The following CRB1 variants were observed in gnomAD, a reference collection of about 807,000 sequenced individuals.
The protein encoded by CRB1 is crumbs cell polarity complex component 1.
Under a neutral mutation model 120.0 loss-of-function variants are expected in CRB1, and 83 were observed. The observed-to-expected ratio is 0.69, with a 90% CI of 0.58 to 0.83. The LOEUF is 0.83. CRB1 is among the 40% of genes least tolerant of loss of function. CRB1 has a pLI of 0.00. For missense variants in CRB1, 1,699 were observed against 1,687.6 expected, an observed-to-expected ratio of 1.01 and a Z score of -0.12; for synonymous variants, 625 against 612.5, an observed-to-expected ratio of 1.02 and a Z score of -0.30.
At chr1:197,391,459 C>A (rs1662501073) in intron 5 of CRB1, among the ~76,000 whole-genome samples, 1 of 152,028 alleles carries the variant, frequency 6.6e-6, no homozygotes, top group Non-Finnish European at 1.5e-5. Flanking sequence ...AAAAAGCAAA[C>A]CAAGTTTCTG....
chr1:197,293,217 C>T (rs757112316), intron 1 of CRB1, among the ~76,000 whole-genome samples: 1 of 152,288 alleles, frequency 6.6e-6, no homozygotes, highest in East Asian at 1.9e-4. Flanking sequence ...AGCAAATTCT[C>T]AGGATGCAAA....
At chr1:197,327,122 A>ACAAC (rs1269626107) in intron 1 of CRB1, among the ~76,000 whole-genome samples, 27 of 141,146 alleles carry the variant, frequency 1.9e-4, no homozygotes, top group East Asian at 1.8e-3. Context: ...AAAAAAAAAA[A>ACAAC]AAAAAAAAAA....
rs1430693263 is a variant in CRB1, at chr1:197,328,515, C to G, written c.164C>G (p.Ser55Cys). The G allele has an allele frequency of 6.2e-7, 1 of 1,614,156 alleles. No homozygotes were observed. Among genetic ancestry groups the G allele is most frequent in the Non-Finnish European group, 8.5e-7 (1 of 1,179,974 alleles). ...GATTTTTCAAAAGACAATGATTGTT[C>G]TTGTTCAGACACAGCCAATAATTTG... Reference protein sequence around the residue: ...CKDFSKDNDCSCSDTANNLDK... With the variant: ...CKDFSKDNDCCCSDTANNLDK... The change falls in exon 2 of 12, where the codon TCT (serine) becomes TGT (cysteine). Residue 55 changes from serine (S) to cysteine (C), a missense_variant. Ser to Cys is a moderately radical substitution (Grantham distance 112, BLOSUM62 -1). Transcript: ENST00000367400.
chr1:197,298,010 C>T (rs1354846136), intron 1 of CRB1, among the ~76,000 whole-genome samples: 1 of 151,884 alleles, frequency 6.6e-6, no homozygotes, highest in East Asian at 1.9e-4. Context: ...AGATGGTGAA[C>T]ATAGACAACT....
chr1:197,357,967 C>T (rs1660578616), intron 5 of CRB1: 2 of 152,100 alleles, frequency 1.3e-5, no homozygotes, highest in Admixed American at 1.3e-4. Flanking sequence ...TGGTATTTTC[C>T]CTGAACAACT....
At chr1:197,333,298 G>C (rs1658970745) in intron 2 of CRB1, among the ~76,000 whole-genome samples, 2 of 152,174 alleles carry the variant, frequency 1.3e-5, no homozygotes. Context: ...TGAAGAGGCT[G>C]GTGAGAATCT....
chr1:197,391,293 C>G (rs1662493102), intron 5 of CRB1, among the ~76,000 whole-genome samples: 1 of 152,050 alleles, frequency 6.6e-6, no homozygotes, highest in Non-Finnish European at 1.5e-5. Context: ...TTGGCCTGTC[C>G]ACCTCCTATA....
chr1:197,248,119 G>A, the CRB1 span, among the ~76,000 whole-genome samples: 2 of 151,836 alleles, frequency 1.3e-5, no homozygotes, highest in South Asian at 2.1e-4. Flanking sequence ...TGTATTAAGC[G>A]ACTGTTTTCC....
chr1:197,371,892 T>C (rs974303693), intron 5 of CRB1, among the ~76,000 whole-genome samples: 5 of 151,988 alleles, frequency 3.3e-5, no homozygotes, highest in Admixed American at 6.6e-5. Flanking sequence ...CCCCAAGAAA[T>C]GGGCAGGTAA....
chr1:197,363,135 G>T (rs573792465), intron 5 of CRB1, among the ~76,000 whole-genome samples: 1,601 of 146,124 alleles, frequency 0.011, 27 homozygotes, highest in African/African-American at 0.038. Flanking sequence ...TTCTATTTAG[G>T]TTTTTTTTTT....
intron 1 of CRB1, among the ~76,000 whole-genome samples, chr1:197,269,266 AG>A (rs941997159): frequency 3.3e-5 from 5 of 152,194 alleles, no homozygotes; most frequent in African/African-American, 9.6e-5. Flanking sequence ...AATAAGGCAA[AG>A]CGTAGAGCAG....
At chr1:197,308,367 C>T (rs559963355) in intron 1 of CRB1, among the ~76,000 whole-genome samples, 3 of 152,262 alleles carry the variant, frequency 2.0e-5, no homozygotes, top group African/African-American at 7.2e-5. Context: ...TCCTCAGCAT[C>T]ACGGAATATT....
At chr1:197,310,973 T>C (rs1224247483) in intron 1 of CRB1, among the ~76,000 whole-genome samples, 1 of 152,198 alleles carries the variant, frequency 6.6e-6, no homozygotes, top group Admixed American at 6.5e-5. Context: ...ATCTCACCTA[T>C]GACACCTGCC....
upstream of CRB1, among the ~76,000 whole-genome samples, chr1:197,266,865 G>A (rs1469892480): frequency 1.3e-5 from 2 of 151,452 alleles, no homozygotes; most frequent in Admixed American, 6.6e-5. Context: ...TCTATCAATC[G>A]GCCTTCCATG....
intron 11 of CRB1, among the ~76,000 whole-genome samples, chr1:197,445,775 G>T (rs1047126829): frequency 1.3e-5 from 2 of 152,162 alleles, no homozygotes; most frequent in African/African-American, 4.8e-5. Context: ...CTCTGCTTTT[G>T]TACTTATTCA....
intron 1 of CRB1, among the ~76,000 whole-genome samples, chr1:197,321,899 GAGATATTTTTA>G (rs891907633): frequency 3.3e-4 from 50 of 152,220 alleles, no homozygotes; most frequent in African/African-American, 1.2e-3. Context: ...AAAGTATTCT[GAGATATTTTTA>G]TTCATGGCTA....
At chr1:197,319,254 T>A in intron 1 of CRB1, among the ~76,000 whole-genome samples, 1 of 26,004 alleles carries the variant, frequency 3.8e-5, no homozygotes, top group East Asian at 9.4e-3. Context: ...AAACCCTGTC[T>A]CTACTAAAAA....
the CRB1 span, among the ~76,000 whole-genome samples, chr1:197,234,856 T>C: frequency 6.6e-6 from 1 of 152,246 alleles, no homozygotes; most frequent in Non-Finnish European, 1.5e-5. Flanking sequence ...AAGCAGTCAA[T>C]TAGGCCAGAT....
the CRB1 span, among the ~76,000 whole-genome samples, chr1:197,255,421 T>A: frequency 1.3e-5 from 2 of 152,094 alleles, no homozygotes; most frequent in Non-Finnish European, 2.9e-5. Context: ...AATAAATTCT[T>A]TATTTTCTTA....
Sources: allele counts gnomAD v4.1 joint callset (sites outside exome capture counted in the v4.1 genomes callset), GRCh38; gene constraint gnomAD v4.1.1; transcripts MANE v1.5; gene names NCBI Gene and HGNC (gene_info 2026-07-23, HGNC 2026-07-21).